Variants in IL12RB2 observed in about 807,000 individuals in gnomAD.
IL12RB2 encodes interleukin-12 receptor subunit beta-2.
Under a neutral mutation model 89.4 loss-of-function variants are expected in IL12RB2, and 82 were observed. The observed-to-expected ratio is 0.92, with a 90% CI of 0.77 to 1.10. IL12RB2 has a LOEUF of 1.10. Among genes scored for constraint, IL12RB2 ranks in the 50% least tolerant of loss-of-function variants. IL12RB2 has a pLI of 0.00. For synonymous variants in IL12RB2, 368 were observed against 370.1 expected (o/e 0.99, Z 0.07); for missense variants, 963 against 1,031.9 (o/e 0.93, Z 0.92).
In IL12RB2 at chr1:67,398,140, A is replaced by G. The variant is rs1666467674; in HGVS notation, c.*2051A>G. Among the ~76,000 whole-genome samples, 1 of 151,984 alleles carries G rather than the reference A, an allele frequency of 6.6e-6. No homozygotes were observed. The highest frequency in any genetic ancestry group is 2.4e-5 in the African/African-American group (1 of 41,380). On this transcript the variant is annotated 3_prime_UTR_variant, in exon 17 of 17. Coordinates refer to ENST00000674203, the MANE Select transcript of IL12RB2 (RefSeq NM_001374259.2). ...TAGCTATTATTGTGCGGCACCCCCA[A>G]TGGTTCCTTTCCTCTCAGCATCGCT...
intron 6 of IL12RB2, among the ~76,000 whole-genome samples, chr1:67,329,383 T>C (rs1399784122): frequency 3.3e-5 from 5 of 152,240 alleles, no homozygotes; most frequent in African/African-American, 1.2e-4. Context: ...AGGGGGATTA[T>C]TTTAAAGATT....
At chr1:67,346,571 G>C (rs1271666280) in intron 9 of IL12RB2, among the ~76,000 whole-genome samples, 1 of 151,894 alleles carries the variant, frequency 6.6e-6, no homozygotes, top group African/African-American at 2.4e-5. Context: ...ATTTTTAGTA[G>C]AAAGTGGTTT....
chr1:67,341,543 G>C (rs373073563), intron 9 of IL12RB2, among the ~76,000 whole-genome samples: 1 of 49,430 alleles, frequency 2.0e-5, no homozygotes, highest in Non-Finnish European at 6.5e-5. Flanking sequence ...AAGAAAGAAA[G>C]AAAGAAAGAA....
chr1:67,328,803 C>A (rs555223663), intron 6 of IL12RB2, among the ~76,000 whole-genome samples: 3 of 152,104 alleles, frequency 2.0e-5, no homozygotes, highest in African/African-American at 7.2e-5. Context: ...GCTAGAGCAG[C>A]GAGGTACAAA....
intron 15 of IL12RB2, among the ~76,000 whole-genome samples, chr1:67,388,269 C>T (rs1665438880): frequency 6.6e-6 from 1 of 152,120 alleles, no homozygotes; most frequent in Admixed American, 6.5e-5. Context: ...AAATCTGGGT[C>T]CTCTTCCTAA....
At chr1:67,375,798 A>G (rs191283363) in intron 13 of IL12RB2, among the ~76,000 whole-genome samples, 5 of 150,878 alleles carry the variant, frequency 3.3e-5, no homozygotes, top group African/African-American at 1.2e-4. Context: ...CCATATTGCC[A>G]TGTTGCCATG....
At chr1:67,332,817 G>A (rs1658271399) in intron 8 of IL12RB2, among the ~76,000 whole-genome samples, 1 of 152,096 alleles carries the variant, frequency 6.6e-6, no homozygotes, top group Admixed American at 6.5e-5. Context: ...TATAAACTAG[G>A]GAAACTCTGG....
chr1:67,382,032 C>A (rs1449555687), intron 14 of IL12RB2, among the ~76,000 whole-genome samples: 3 of 152,110 alleles, frequency 2.0e-5, no homozygotes, highest in African/African-American at 7.2e-5. Context: ...CATCTTGCTA[C>A]TGGTTTTACT....
intron 12 of IL12RB2, 36 bp from the exon 13 acceptor site, chr1:67,372,589 G>T: frequency 6.2e-7 from 1 of 1,611,318 alleles, no homozygotes; most frequent in Non-Finnish European, 8.5e-7. Context: ...TTTGGATTTG[G>T]AGGGTGACAG....
chr1:67,327,589 G>T (rs945548227), intron 5 of IL12RB2, among the ~76,000 whole-genome samples: 1 of 152,144 alleles, frequency 6.6e-6, no homozygotes, highest in Non-Finnish European at 1.5e-5. Flanking sequence ...TCTTTTTAAA[G>T]CACCATTGGC....
rs780971273 is a variant in IL12RB2, at chr1:67,367,836, C to T, written c.1270C>T (p.Pro424Ser). The change falls in exon 11 of 17, where the codon CCT becomes TCT. Residue 424 changes from proline to serine, a missense_variant. By Grantham distance (74) the Pro-to-Ser change is moderately conservative (BLOSUM62 -1). Coordinates refer to ENST00000674203, the MANE Select transcript of IL12RB2 (RefSeq NM_001374259.2). Reference sequence around the variant, plus strand: ...TCTGTCCGATAAAGGGTTGCTGGCTCCTCGCCAGGTCTCTGCAAACTCAGA... The same window carrying T: ...TCTGTCCGATAAAGGGTTGCTGGCTTCTCGCCAGGTCTCTGCAAACTCAGA... ...MNLCEAGLLA[P>S]RQVSANSEGM... 4.4e-6 allele frequency: 7 copies of T among 1,582,024 alleles called. No homozygotes were observed. Among genetic ancestry groups the T allele is most frequent in the African/African-American group, 4.0e-5 (3 of 74,176 alleles).
At chr1:67,333,538 G>T (rs1448158577) in intron 8 of IL12RB2, among the ~76,000 whole-genome samples, 1 of 151,862 alleles carries the variant, frequency 6.6e-6, no homozygotes, top group African/African-American at 2.4e-5. Context: ...TTGAACAGTG[G>T]GTTAGGGCTT....
intron 15 of IL12RB2, among the ~76,000 whole-genome samples, chr1:67,387,988 G>T (rs1411213854): frequency 6.6e-6 from 1 of 152,116 alleles, no homozygotes; most frequent in Non-Finnish European, 1.5e-5. Flanking sequence ...GACCAGCCTG[G>T]ACAGCATGGT....
intron 14 of IL12RB2, among the ~76,000 whole-genome samples, chr1:67,383,677 G>A (rs909588843): frequency 1.3e-5 from 2 of 152,144 alleles, no homozygotes; most frequent in African/African-American, 2.4e-5. Context: ...AATCCAGTAG[G>A]GCAATCATTA....
chr1:67,395,978 C>G lies in IL12RB2; in HGVS notation c.2478C>G (p.His826Gln), dbSNP rs1236703292. 1.9e-6 allele frequency: 3 copies of G among 1,604,452 alleles called. No homozygotes were observed. Among genetic ancestry groups the G allele is most frequent in the African/African-American group, 1.3e-5 (1 of 74,766 alleles). Residue 826 changes from histidine (H) to glutamine (Q), a missense_variant, in exon 17 of 17, where the codon CAC (histidine) becomes CAG (glutamine). Coordinates refer to ENST00000674203, the MANE Select transcript of IL12RB2 (RefSeq NM_001374259.2). ...ADSLEELEPQ[H>Q]ISLSVFPSSS... ...CTCTGGAAGAACTGGAGCCTCAGCA[C>G]ATCTCCCTTTCTGTTTTCCCCTCAA...
chr1:67,370,233 G>T (rs977740943), intron 11 of IL12RB2, among the ~76,000 whole-genome samples: 1 of 152,022 alleles, frequency 6.6e-6, no homozygotes, highest in Non-Finnish European at 1.5e-5. Flanking sequence ...ATTTTCACCA[G>T]CCTTTTCCCA....
intron 10 of IL12RB2, 26 bp from the exon 11 acceptor site, chr1:67,367,799 G>A: frequency 7.7e-7 from 1 of 1,302,130 alleles, no homozygotes; most frequent in East Asian, 2.3e-5. Context: ...TTTTTATTTT[G>A]TTTCTCCTCT....
At chr1:67,338,554 A>G (rs1659141574) in intron 8 of IL12RB2, 70 bp from the exon 9 acceptor site, 2 of 791,512 alleles carry the variant, frequency 2.5e-6, no homozygotes, top group African/African-American at 1.7e-5. Flanking sequence ...AGAATTGTTT[A>G]CTGAATGACC....
At chr1:67,383,356 G>A (rs1570175879) in intron 14 of IL12RB2, among the ~76,000 whole-genome samples, 2 of 152,186 alleles carry the variant, frequency 1.3e-5, no homozygotes, top group Admixed American at 6.5e-5. Flanking sequence ...AGATTTGGGT[G>A]AGGACACAGC....
Sources: gnomAD v4.1 joint callset for allele counts (sites outside exome capture counted in the v4.1 genomes callset) on GRCh38, gnomAD v4.1.1 for gene constraint, MANE v1.5 for transcripts, NCBI Gene and HGNC (gene_info 2026-07-23, HGNC 2026-07-21) for gene names.